Variants in KIAA1671 observed in about 807,000 individuals in gnomAD.
The protein encoded by KIAA1671 is uncharacterized protein KIAA1671.
In KIAA1671, 52 loss-of-function variants were observed where a neutral mutation model predicts 131.2. The ratio of observed to expected loss-of-function variants is 0.40; its 90% CI spans 0.32 to 0.50. KIAA1671 has a LOEUF of 0.50. Among genes scored for constraint, KIAA1671 ranks in the 20% least tolerant of loss-of-function variants. The probability of loss-of-function intolerance (pLI) is 0.73; values close to 1 mark genes in which losing one functional copy is unlikely to be tolerated. For missense variants in KIAA1671, 2,360 were observed against 2,364.2 expected (o/e 1.00, Z 0.04); for synonymous variants, 1,003 against 961.6 (o/e 1.04, Z -0.80).
intron 4 of KIAA1671, among the ~76,000 whole-genome samples, chr22:25,038,244 C>T (rs1926722590): frequency 6.6e-6 from 1 of 152,186 alleles, no homozygotes; most frequent in African/African-American, 2.4e-5. Context: ...TTAAGCGATT[C>T]TCCCATCTCA....
At chr22:24,997,102 T>C (rs1428198113) in intron 1 of KIAA1671, among the ~76,000 whole-genome samples, 1 of 152,198 alleles carries the variant, frequency 6.6e-6, no homozygotes, top group African/African-American at 2.4e-5. Flanking sequence ...AAATGTTTAT[T>C]GTGTACCCAT....
At chr22:25,104,973 G>T (rs1296081115) in intron 6 of KIAA1671, among the ~76,000 whole-genome samples, 1 of 152,050 alleles carries the variant, frequency 6.6e-6, no homozygotes, top group Non-Finnish European at 1.5e-5. Flanking sequence ...TTTGTTGAAT[G>T]AATGAATGAC....
chr22:25,174,480 C>T lies in KIAA1671; in HGVS notation c.4890C>T (p.Ser1630=). ...CTGAAAAGAGAGTAGATGACTTCTC[C>T]TTCATTGATGTAAGTCAGTGGCCAG... is the stretch of plus-strand genomic sequence containing the variant. ...ACPEKRVDDF[S]FIDQTSVLDS... is the part of the protein sequence containing the mutation. Residue 1630 remains serine, a synonymous_variant, in exon 8 of 13, where the codon TCC becomes TCT. Transcript: ENST00000358431. 6.6e-7 allele frequency: 1 copy of T among 1,520,218 alleles called. No individual in the cohort carries two copies. The highest frequency in any genetic ancestry group is 8.9e-7 in the Non-Finnish European group (1 of 1,128,994). The allele number at this position is 1,520,218 out of a possible 1,614,324, so 94.2% of individuals were successfully genotyped here. A position where few individuals can be genotyped will look rare whatever the true frequency, so the allele number is the denominator to read the frequency against.
intron 6 of KIAA1671, among the ~76,000 whole-genome samples, chr22:25,155,413 A>T (rs1232997370): frequency 6.6e-6 from 1 of 150,872 alleles, no homozygotes; most frequent in Non-Finnish European, 1.5e-5. Context: ...GTTTCTATGT[A>T]TTTGTGTATG....
In KIAA1671 at chr22:25,054,486, G is replaced by A. The variant is rs1296277884; in HGVS notation, c.4530+5122G>A. On this transcript the variant is annotated intron_variant, in intron 6 of 12. Coordinates refer to ENST00000358431, the MANE Select transcript of KIAA1671 (RefSeq NM_001145206.2). ...CAGGGTGGGAGGTGGGTGATAGGTAGATGTCTCTGGTCTCTCTTCCTCTTC... is the reference window on the plus strand; with the variant it reads ...CAGGGTGGGAGGTGGGTGATAGGTAAATGTCTCTGGTCTCTCTTCCTCTTC... The A allele has an allele frequency of 1.3e-5, 2 of 149,064 alleles. 1 individual carries two copies. Among genetic ancestry groups the A allele is most frequent in the Non-Finnish European group, 3.0e-5 (2 of 67,038 alleles). 9.2% of individuals were successfully genotyped at this position (149,064 alleles called of 1,614,324 possible). A position where few individuals can be genotyped will look rare whatever the true frequency, so the allele number is the denominator to read the frequency against.
At chr22:25,029,566 C>T (rs1926159586) in intron 3 of KIAA1671, 26 bp downstream of exon 3, 1 of 1,464,642 alleles carries the variant, frequency 6.8e-7, no homozygotes, top group Non-Finnish European at 9.1e-7. Flanking sequence ...CCACACCCCT[C>T]TCTCAGCCGC....
chr22:25,127,369 A>G lies in KIAA1671; in HGVS notation c.4531-43451A>G, dbSNP rs945805051. ...GCACAGGCTCCACTGGTGTTTTAAG[A>G]GGGTTAAGCCTCTTCTTCAAATGGT... On this transcript the variant is annotated intron_variant, in intron 6 of 12. Coordinates refer to ENST00000358431, the MANE Select transcript of KIAA1671 (RefSeq NM_001145206.2). 5.9e-5 allele frequency among the ~76,000 whole-genome samples: 9 copies of G among 152,248 alleles called. No individual in the cohort carries two copies. In the East Asian group the frequency reaches 1.2e-3, roughly 20 times the overall value.
rs374286144 is a variant in KIAA1671, at chr22:24,953,639, G to A, written c.-208+867G>A. Among the ~76,000 whole-genome samples the A allele has an allele frequency of 1.8e-3, 271 of 152,126 alleles. 1 individual carries two copies. Among genetic ancestry groups the A allele is most frequent in the African/African-American group, 5.9e-3 (247 of 41,542 alleles). ...ACGGGTGGGGCCCTCGGGATGGGAA[G>A]CGGCTCGTTGACCCCCACCCGAGCC... On this transcript the variant is annotated intron_variant, in intron 1 of 12. Coordinates refer to ENST00000358431, the MANE Select transcript of KIAA1671 (RefSeq NM_001145206.2).
At chr22:25,174,639 T>C in intron 8 of KIAA1671, 150 bp downstream of exon 8, 1 of 854,994 alleles carries the variant, frequency 1.2e-6, no homozygotes, top group Non-Finnish European at 1.7e-6. Context: ...CTTATGCATG[T>C]ATCTTGGACC....
intron 6 of KIAA1671, among the ~76,000 whole-genome samples, chr22:25,156,622 A>C (rs369111514): frequency 4.0e-5 from 6 of 151,790 alleles, no homozygotes; most frequent in Admixed American, 3.9e-4. Context: ...TGTTTTGTGT[A>C]TATGTGTTTG....
At chr22:25,130,552 A>G (rs1932397461) in intron 6 of KIAA1671, among the ~76,000 whole-genome samples, 1 of 152,192 alleles carries the variant, frequency 6.6e-6, no homozygotes, top group Non-Finnish European at 1.5e-5. Flanking sequence ...TTAATTAAAC[A>G]CTTTGAAAAG....
rs146357719 is a variant in KIAA1671, at chr22:25,100,162, G to A, written c.4530+50798G>A. On this transcript the variant is annotated intron_variant, in intron 6 of 12. Transcript: ENST00000358431. ...GCCTGGGGCCCCACAGTGGTGTGGG[G>A]CAGAGCCTGGCTCTTCCTCTCCATT... Among the ~76,000 whole-genome samples the A allele has an allele frequency of 3.9e-4, 60 of 152,278 alleles. 2 individuals are homozygous for A. Among genetic ancestry groups the A allele is most frequent in the Admixed American group, 2.4e-3 (37 of 15,302 alleles).
chr22:25,176,890 G>A (rs1417741572), intron 8 of KIAA1671: 5 of 152,972 alleles, frequency 3.3e-5, no homozygotes, highest in Non-Finnish European at 7.3e-5. Flanking sequence ...GGAATTCCAC[G>A]GAGAACGTCT....
Position 25,028,439 on chromosome 22 carries a change from T to C in KIAA1671, c.440T>C (p.Phe147Ser). 6.4e-7 allele frequency: 1 copy of C among 1,550,838 alleles called. No individual in the cohort carries two copies. Among genetic ancestry groups the C allele is most frequent in the South Asian group, 1.2e-5 (1 of 83,968 alleles). ...LRPSSSTMIL[F>S]ETTKSGPALG... ...CCCAGCTCCAGCACCATGATTCTCT[T>C]CGAAACCACCAAAAGCGGCCCCGCT... Residue 147 changes from phenylalanine (F) to serine (S), a missense_variant, in exon 3 of 13, where the codon TTC (phenylalanine) becomes TCC (serine). Physicochemically the swap from Phe to Ser is radical, Grantham distance 155 (BLOSUM62 -2). Around this residue, in one of 3 missense-constraint regions of KIAA1671, gnomAD observed 1,185 missense variants for 1,126.2 expected, o/e 1.05. Coordinates refer to ENST00000358431, the MANE Select transcript of KIAA1671 (RefSeq NM_001145206.2).
Position 25,039,042 on chromosome 22 carries a change from G to A in KIAA1671, c.1912G>A (p.Gly638Ser). 1 of 1,551,726 alleles carries A rather than the reference G, an allele frequency of 6.4e-7. No homozygotes were observed. Among genetic ancestry groups the A allele is most frequent in the Admixed American group, 2.0e-5 (1 of 51,016 alleles). Residue 638 changes from glycine to serine, a missense_variant, in exon 5 of 13, where the codon GGT becomes AGT. By Grantham distance (56) the Gly-to-Ser change is moderately conservative. Coordinates refer to ENST00000358431, the MANE Select transcript of KIAA1671 (RefSeq NM_001145206.2). ...SGRCLSTTPP[G>S]DMAHARVSEP... Reference sequence around the variant, plus strand: ...ACGTTGTCTCTCCACCACACCCCCTGGTGACATGGCCCATGCCCGTGTCTC... The same window carrying A: ...ACGTTGTCTCTCCACCACACCCCCTAGTGACATGGCCCATGCCCGTGTCTC...
At chr22:25,188,447 GGTGTGTGTGTGTGTGTGT>G (rs59590267) in intron 11 of KIAA1671, among the ~76,000 whole-genome samples, 23 of 137,972 alleles carry the variant, frequency 1.7e-4, no homozygotes, top group East Asian at 6.6e-4. Context: ...GAGCCAATCG[GGTGTGTGTGTGTGTGTGT>G]GTGTGTGTGT....
intron 10 of KIAA1671, 120 bp downstream of exon 10, chr22:25,181,943 C>T (rs554697713): frequency 1.2e-5 from 13 of 1,091,096 alleles, no homozygotes; most frequent in Admixed American, 5.3e-5. Flanking sequence ...TTTGGGAGGC[C>T]GAGTTGGGCG....
At chr22:25,006,595 T>C (rs934266638) in intron 1 of KIAA1671, among the ~76,000 whole-genome samples, 3 of 152,224 alleles carry the variant, frequency 2.0e-5, no homozygotes, top group African/African-American at 7.2e-5. Context: ...AGTTAAGCTC[T>C]GTATGCGTTT....
chr22:25,032,691 G>A lies in KIAA1671; in HGVS notation c.1624G>A (p.Glu542Lys). The A allele has an allele frequency of 6.5e-7, 1 of 1,543,648 alleles. No individual in the cohort carries two copies. The highest frequency in any genetic ancestry group is 8.8e-7 in the Non-Finnish European group (1 of 1,140,402). ...LSGEFPKEPR[E>K]KQKEGHSLDG... ...CGGCGAGTTTCCTAAGGAACCGAGA[G>A]AAAAGGTAAGGAGTGGCTGTGTAGC... is the stretch of plus-strand genomic sequence containing the variant. Residue 542 changes from glutamate to lysine, a missense_variant, in exon 4 of 13, where the codon GAA (glutamate) becomes AAA (lysine). Physicochemically the swap from Glu to Lys is moderately conservative, Grantham distance 56 (BLOSUM62 1). This residue lies in a region of KIAA1671 where 1,185 missense variants were observed against 1,126.2 expected (regional missense o/e 1.05). Transcript: ENST00000358431.
Sources: gnomAD v4.1 joint callset for allele counts (sites outside exome capture counted in the v4.1 genomes callset) on GRCh38, gnomAD v4.1.1 for gene constraint, gnomAD v4.1.1 regional missense constraint, MANE v1.5 for transcripts, NCBI Gene and HGNC (gene_info 2026-07-23, HGNC 2026-07-21) for gene names.